Variants in TTLL6 observed in about 807,000 individuals in gnomAD.
TTLL6 encodes tubulin tyrosine ligase like 6, also known as tubulin polyglutamylase TTLL6.
TTLL6 carries 75 observed loss-of-function variants against 96.4 expected under a neutral mutation model. That is an observed-to-expected ratio of 0.78 (90% CI 0.65 to 0.94). The LOEUF (loss-of-function observed/expected upper bound fraction) is 0.94. TTLL6 is among the 40% of genes least tolerant of loss of function. The pLI is 0.00. For missense variants in TTLL6, 1,030 were observed against 1,093.0 expected, an observed-to-expected ratio of 0.94 and a Z score of 0.81; for synonymous variants, 411 against 419.4, an observed-to-expected ratio of 0.98 and a Z score of 0.24.
At position 48,764,759 on chromosome 17, in the gene TTLL6, A is replaced by G. The variant is rs552962165; in HGVS notation, c.*1-1786T>C. Among the ~76,000 whole-genome samples the G allele has an allele frequency of 2.0e-4, 31 of 152,210 alleles. 1 individual carries two copies. In the South Asian group the frequency reaches 4.8e-3, roughly 23 times the overall value. On this transcript the variant is annotated intron_variant, in intron 15 of 15. Transcript: ENST00000393382. ...TTGGGAGTCTGCTTTTTTATGTGTA[A>G]GTCCTTTATGGTCCGATTAGTTTGG... is the stretch of plus-strand genomic sequence containing the variant.
intron 15 of TTLL6, among the ~76,000 whole-genome samples, chr17:48,764,089 T>C (rs1021276260): frequency 2.0e-5 from 3 of 152,046 alleles, no homozygotes; most frequent in Admixed American, 1.3e-4. Flanking sequence ...TGAGCCATGA[T>C]AGTGCCACTG....
At chr17:48,767,280 C>T (rs1406987362) in intron 15 of TTLL6, among the ~76,000 whole-genome samples, 1 of 152,126 alleles carries the variant, frequency 6.6e-6, no homozygotes. Flanking sequence ...CCAGAATTCC[C>T]AGGGGGTTTG....
chr17:48,767,534 G>C (rs897897175), intron 15 of TTLL6, among the ~76,000 whole-genome samples: 2 of 152,168 alleles, frequency 1.3e-5, no homozygotes, highest in Non-Finnish European at 2.9e-5. Context: ...TGGGCTGGAT[G>C]TTTCCTTGCA....
At chr17:48,772,766 A>G (rs1017822311) in intron 13 of TTLL6, among the ~76,000 whole-genome samples, 2 of 151,754 alleles carry the variant, frequency 1.3e-5, no homozygotes, top group Non-Finnish European at 2.9e-5. Context: ...ATGTATGCAT[A>G]CAAAATTCAA....
chr17:48,796,164 C>A lies in TTLL6; in HGVS notation c.913-18G>T. 6.5e-7 allele frequency: 1 copy of A among 1,547,298 alleles called. No individual in the cohort carries two copies. The highest frequency in any genetic ancestry group is 1.4e-5 in the African/African-American group (1 of 73,106). On this transcript the variant is annotated intron_variant, in intron 7 of 15. Transcript: ENST00000393382. ...ATATCATCCTGGGGAAAAAGACACACATCTGTCGGGTCAGCTCGGAAGGGC... is the reference window on the plus strand; with the variant it reads ...ATATCATCCTGGGGAAAAAGACACAAATCTGTCGGGTCAGCTCGGAAGGGC...
intron 1 of TTLL6, among the ~76,000 whole-genome samples, chr17:48,810,821 GTGTGTATATATATATATATA>G (rs2039573481): frequency 1.9e-5 from 1 of 51,676 alleles, no homozygotes; most frequent in African/African-American, 9.4e-5. Context: ...TATAGTATGT[GTGTGTATATATATATATATA>G]TATATATATA....
At chr17:48,764,711 G>A (rs2038559315) in intron 15 of TTLL6, among the ~76,000 whole-genome samples, 1 of 152,068 alleles carries the variant, frequency 6.6e-6, no homozygotes, top group Non-Finnish European at 1.5e-5. Flanking sequence ...CATTCCAATG[G>A]ACATTCTGCT....
intron 14 of TTLL6, 61 bp from the exon 15 acceptor site, chr17:48,769,315 GGTGAAGACCAC>G: frequency 6.6e-7 from 1 of 1,526,174 alleles, no homozygotes; most frequent in Non-Finnish European, 8.8e-7. Flanking sequence ...ACAAATTCCT[GGTGAAGACCAC>G]CTCCCAGTAG....
rs940249189 is a variant in TTLL6 at position 48,799,576 on chromosome 17, T to C, written c.768+28A>G. The C allele has an allele frequency of 5.8e-6, 9 of 1,546,430 alleles. No homozygotes were observed. The Admixed American group carries it at 1.8e-4, about 30-fold the overall frequency. On this transcript the variant is annotated intron_variant, in intron 6 of 15. Transcript: ENST00000393382. ...TAAAGTCCGCGGTTGCTGTGGGTGA[T>C]AAATAAATAATCACAATGAGGAAGT...
chr17:48,780,935 G>A lies in TTLL6; in HGVS notation c.2040+3988C>T, dbSNP rs771488480. 9.9e-5 allele frequency among the ~76,000 whole-genome samples: 15 copies of A among 152,040 alleles called. No individual in the cohort carries two copies. The South Asian group carries it at 2.1e-3, about 21-fold the overall frequency. On this transcript the variant is annotated intron_variant, in intron 13 of 15. Transcript: ENST00000393382. ...GTTGCTTCTACCTCTTGGTTATTAT[G>A]AAAAATGCTGCAATGAACATGGGTG...
intron 15 of TTLL6, among the ~76,000 whole-genome samples, chr17:48,765,096 G>T (rs1031982722): frequency 2.6e-5 from 4 of 152,150 alleles, no homozygotes; most frequent in African/African-American, 9.7e-5. Flanking sequence ...TATGCTCTTT[G>T]AGTATCAGCT....
chr17:48,774,410 C>T (rs988822681), intron 13 of TTLL6, among the ~76,000 whole-genome samples: 1 of 151,578 alleles, frequency 6.6e-6, no homozygotes, highest in African/African-American at 2.4e-5. Context: ...GCAATCCGCC[C>T]GCCTCGGCCT....
At position 48,789,972 on chromosome 17, in the gene TTLL6, T is replaced by C. The variant is rs765116793; in HGVS notation, c.1359A>G (p.Gln453=). 6.2e-7 allele frequency: 1 copy of C among 1,614,186 alleles called. No individual in the cohort carries two copies. Among genetic ancestry groups the C allele is most frequent in the Non-Finnish European group, 8.5e-7 (1 of 1,180,024 alleles). ...DKKKVLEEER[Q]RGQFLQQCCS... ...AACACTGCTGCAGGAACTGCCCCCGTTGTCTCTCCTCCTCCAAGACTTTCT... is the reference window on the plus strand; with the variant it reads ...AACACTGCTGCAGGAACTGCCCCCGCTGTCTCTCCTCCTCCAAGACTTTCT... The change falls in exon 10 of 16, where the codon CAA becomes CAG. Residue 453 remains glutamine, a synonymous_variant. Transcript: ENST00000393382.
At chr17:48,784,238 C>T (rs1218358916) in intron 13 of TTLL6, among the ~76,000 whole-genome samples, 1 of 151,980 alleles carries the variant, frequency 6.6e-6, no homozygotes, top group Non-Finnish European at 1.5e-5. Context: ...GAAACCTTCT[C>T]GACAAAAAAT....
chr17:48,799,550 C>A, intron 6 of TTLL6, 54 bp downstream of exon 6: 1 of 1,518,076 alleles, frequency 6.6e-7, no homozygotes. Flanking sequence ...TCCAGTGGAG[C>A]TAAAGTCCGC....
chr17:48,792,462 A>G (rs1366595175), intron 8 of TTLL6, among the ~76,000 whole-genome samples: 2 of 152,220 alleles, frequency 1.3e-5, no homozygotes, highest in Non-Finnish European at 2.9e-5. Flanking sequence ...GGGAGTGAAC[A>G]GCAGAAAGAA....
intron 7 of TTLL6, 112 bp from the exon 8 acceptor site, chr17:48,796,258 G>T: frequency 1.3e-6 from 1 of 789,970 alleles, no homozygotes; most frequent in Non-Finnish European, 2.0e-6. Flanking sequence ...AGAAAGGGAA[G>T]TTTTAGGGCT....
chr17:48,773,351 C>A (rs1484772334), intron 13 of TTLL6, among the ~76,000 whole-genome samples: 1 of 152,256 alleles, frequency 6.6e-6, no homozygotes, highest in East Asian at 1.9e-4. Flanking sequence ...AGATCAAGAA[C>A]CCTAAGTAAG....
intron 13 of TTLL6, 26 bp from the exon 14 acceptor site, chr17:48,770,123 A>G (rs752485094): frequency 6.4e-7 from 1 of 1,561,260 alleles, no homozygotes; most frequent in African/African-American, 1.4e-5. Flanking sequence ...GTTCAAAATG[A>G]GACTGTGGAA....
Sources: gnomAD v4.1 joint callset for allele counts (sites outside exome capture counted in the v4.1 genomes callset) on GRCh38, gnomAD v4.1.1 for gene constraint, MANE v1.5 for transcripts, NCBI Gene and HGNC (gene_info 2026-07-23, HGNC 2026-07-21) for gene names.